Variants in P3H2 observed in about 807,000 individuals in gnomAD.
P3H2 encodes the protein prolyl 3-hydroxylase 2, also known as leprecan-like 1.
In P3H2, 80 loss-of-function variants were observed where a neutral mutation model predicts 87.0. The ratio of observed to expected loss-of-function variants is 0.92; its 90% CI spans 0.77 to 1.11. The LOEUF (loss-of-function observed/expected upper bound fraction) is 1.11. P3H2 is among the 50% of genes least tolerant of loss of function. The pLI, the probability that P3H2 is intolerant of heterozygous loss-of-function variation, is 0.00. For missense variants in P3H2, 1,001 were observed against 923.9 expected (o/e 1.08, Z -1.08); for synonymous variants, 367 against 359.3 (o/e 1.02, Z -0.24).
At chr3:190,063,536 G>C (rs980388856) in intron 1 of P3H2, among the ~76,000 whole-genome samples, 2 of 152,108 alleles carry the variant, frequency 1.3e-5, no homozygotes, top group African/African-American at 4.8e-5. Context: ...CATTTTTTAA[G>C]TTTAAAAGCT....
intron 1 of P3H2, among the ~76,000 whole-genome samples, chr3:190,065,391 T>C (rs910544913): frequency 3.9e-5 from 6 of 152,144 alleles, no homozygotes; most frequent in Non-Finnish European, 8.8e-5. Flanking sequence ...TTTGAAGCCA[T>C]TTGTTGAAGA....
Position 190,106,676 on chromosome 3 carries a change from T to G in P3H2, c.480+13576A>C, listed in dbSNP as rs997690464. On this transcript the variant is annotated intron_variant, in intron 1 of 14. Coordinates refer to ENST00000319332, the MANE Select transcript of P3H2 (RefSeq NM_018192.4). ...AAACAACCGATATGTCAGAACTTTT[T>G]TTGACTATATACCTGTTTGATGTCA... 7.2e-5 allele frequency among the ~76,000 whole-genome samples: 11 copies of G among 152,224 alleles called. No homozygotes were observed. The East Asian group carries it at 2.1e-3, about 29-fold the overall frequency.
chr3:190,080,105 C>T (rs1726995162), intron 1 of P3H2, among the ~76,000 whole-genome samples: 2 of 152,090 alleles, frequency 1.3e-5, no homozygotes, highest in Admixed American at 1.3e-4. Flanking sequence ...AGGAAAGTAA[C>T]CGTAGAATCT....
At chr3:190,053,143 T>C (rs1481703718) in intron 1 of P3H2, among the ~76,000 whole-genome samples, 1 of 152,200 alleles carries the variant, frequency 6.6e-6, no homozygotes, top group Non-Finnish European at 1.5e-5. Context: ...TGTTTTGTTA[T>C]ATATTTGTTG....
intron 1 of P3H2, among the ~76,000 whole-genome samples, chr3:190,107,617 T>A (rs1711898785): frequency 6.6e-6 from 1 of 152,180 alleles, no homozygotes; most frequent in African/African-American, 2.4e-5. Flanking sequence ...AAGGTTGAGC[T>A]TCACCTAGAA....
chr3:189,962,661 C>G (rs1032447644), intron 14 of P3H2, among the ~76,000 whole-genome samples: 1 of 152,172 alleles, frequency 6.6e-6, no homozygotes, highest in East Asian at 1.9e-4. Context: ...TAGGGCCTAT[C>G]TAGCAGAGTT....
chr3:189,997,274 A>T (rs554167539), intron 1 of P3H2, among the ~76,000 whole-genome samples: 3 of 152,162 alleles, frequency 2.0e-5, no homozygotes, highest in African/African-American at 4.8e-5. Flanking sequence ...CCCACTTCAC[A>T]TATTTACATA....
At chr3:190,019,488 C>A (rs1459953422) in intron 1 of P3H2, among the ~76,000 whole-genome samples, 1 of 151,822 alleles carries the variant, frequency 6.6e-6, no homozygotes, top group East Asian at 1.9e-4. Context: ...TCCCTTTATC[C>A]CTATATCCAC....
At chr3:190,104,268 C>G (rs1711746121) in intron 1 of P3H2, among the ~76,000 whole-genome samples, 1 of 151,924 alleles carries the variant, frequency 6.6e-6, no homozygotes, top group African/African-American at 2.4e-5. Flanking sequence ...AATATCTATC[C>G]TACTCCAGCC....
In P3H2 at chr3:189,957,441, T is replaced by TTGTG. The variant is rs3062107; in HGVS notation, c.*467_*470dup. 1.4e-3 allele frequency: 349 copies of TTGTG among 258,194 alleles called. No homozygotes were observed. Among genetic ancestry groups the TTGTG allele is most frequent in the African/African-American group, 5.9e-3 (252 of 42,578 alleles). The allele number at this position is 258,194 out of a possible 1,614,324, so 16.0% of individuals were successfully genotyped here. The stretch of plus-strand genomic sequence containing the variant: ...AGCTTTTGAATTTGCAGCAACTTAA[T>TTGTG]TGTGTGTGTGTGTGTGTGTGTGTGT... On this transcript the variant is annotated 3_prime_UTR_variant, in exon 15 of 15. Coordinates refer to ENST00000319332, the MANE Select transcript of P3H2 (RefSeq NM_018192.4).
At chr3:189,985,877 T>A (rs1365428814) in intron 6 of P3H2, among the ~76,000 whole-genome samples, 1 of 152,128 alleles carries the variant, frequency 6.6e-6, no homozygotes, top group African/African-American at 2.4e-5. Flanking sequence ...TTCTACCAAC[T>A]TTTTAGAGAC....
intron 13 of P3H2, chr3:189,969,362 T>C (rs551360358): frequency 4.8e-5 from 39 of 819,236 alleles, no homozygotes; most frequent in South Asian, 3.6e-4. Flanking sequence ...GTTGTGACCA[T>C]TGTCCCCTTT....
At position 190,008,868 on chromosome 3, in the gene P3H2, G is replaced by C. The variant is rs147481214; in HGVS notation, c.481-13426C>G. Among the ~76,000 whole-genome samples, 911 of 152,238 alleles carry C rather than the reference G, an allele frequency of 6.0e-3. 7 individuals are homozygous for C. The highest frequency in any genetic ancestry group is 0.021 in the African/African-American group (882 of 41,528). On this transcript the variant is annotated intron_variant, in intron 1 of 14. Transcript: ENST00000319332. ...TCCTGTGTTTTAGTAGTGAATCTGG[G>C]GGGTGGGGTGGGAAATCAGGCAAAT...
chr3:189,975,012 C>T (rs1723306009), intron 8 of P3H2, among the ~76,000 whole-genome samples: 2 of 152,244 alleles, frequency 1.3e-5, no homozygotes, highest in Non-Finnish European at 1.5e-5. Context: ...TGAGAAAGTC[C>T]ACCCTTGTTC....
Position 189,974,702 on chromosome 3 carries a change from C to CAT in P3H2, c.1325-19_1325-18dup. ...GAGGACCACCTACAGGAACAGAGCA[C>CAT]ATTGTCTTCCCTGTTACCTCTGTCC... is the stretch of plus-strand genomic sequence containing the variant. On this transcript the variant is annotated splice_polypyrimidine_tract_variant and intron_variant, in intron 8 of 14. Coordinates refer to ENST00000319332, the MANE Select transcript of P3H2 (RefSeq NM_018192.4). The CAT allele has an allele frequency of 1.9e-6, 3 of 1,614,164 alleles. No homozygotes were observed. Among genetic ancestry groups the CAT allele is most frequent in the Non-Finnish European group, 2.5e-6 (3 of 1,180,004 alleles).
intron 1 of P3H2, among the ~76,000 whole-genome samples, chr3:190,018,300 A>G (rs1034127728): frequency 6.6e-6 from 1 of 152,212 alleles, no homozygotes; most frequent in African/African-American, 2.4e-5. Flanking sequence ...CATGGTTATC[A>G]TGTATTGTGC....
intron 1 of P3H2, among the ~76,000 whole-genome samples, chr3:190,000,657 G>C (rs1724182622): frequency 2.6e-5 from 4 of 152,196 alleles, no homozygotes; most frequent in Admixed American, 2.6e-4. Context: ...AACCGAACAA[G>C]AGGAAGGGCA....
At chr3:189,970,600 A>G (rs541576165) in intron 13 of P3H2, among the ~76,000 whole-genome samples, 1 of 152,182 alleles carries the variant, frequency 6.6e-6, no homozygotes, top group East Asian at 1.9e-4. Flanking sequence ...AAAATGATTA[A>G]TATCTCAATT....
At chr3:190,017,524 A>C (rs1248097557) in intron 1 of P3H2, among the ~76,000 whole-genome samples, 1 of 152,220 alleles carries the variant, frequency 6.6e-6, no homozygotes, top group Admixed American at 6.5e-5. Context: ...GCAAGTCCTG[A>C]AGACAGCTTG....
Sources: allele counts gnomAD v4.1 joint callset (sites outside exome capture counted in the v4.1 genomes callset), GRCh38; gene constraint gnomAD v4.1.1; transcripts MANE v1.5; gene names NCBI Gene and HGNC (gene_info 2026-07-23, HGNC 2026-07-21).